IPO11: variants seen among roughly 807,000 people sequenced by gnomAD.
IPO11 encodes the protein importin 11.
IPO11 carries 66 observed loss-of-function variants against 143.2 expected under a neutral mutation model. The ratio of observed to expected loss-of-function variants is 0.46; its 90% CI spans 0.38 to 0.57. The LOEUF is 0.57. Ranked by LOEUF, IPO11 falls within the 20% of genes least tolerant of loss-of-function variation. The probability of loss-of-function intolerance (pLI) is 0.00; values close to 1 mark genes in which losing one functional copy is unlikely to be tolerated. For synonymous variants in IPO11, 385 were observed against 377.8 expected (o/e 1.02, Z -0.22); for missense variants, 1,026 against 1,141.0 (o/e 0.90, Z 1.45).
chr5:62,606,329 A>T (rs1483358641), intron 29 of IPO11, among the ~76,000 whole-genome samples: 1 of 150,988 alleles, frequency 6.6e-6, no homozygotes, highest in Non-Finnish European at 1.5e-5. Context: ...AAAAAAAAAA[A>T]TTTAGCTGGG....
In IPO11 at chr5:62,591,679, G is replaced by A. The variant is rs1256241944; in HGVS notation, c.2678+7G>A. On this transcript the variant is annotated splice_region_variant and intron_variant, in intron 28 of 29. Coordinates refer to ENST00000325324, the MANE Select transcript of IPO11 (RefSeq NM_016338.5). Reference sequence around the variant, plus strand: ...AAACAGGAACTTATAAAGAGTAGGTGCATTATTTAATTAATCATAATTGGA... The same window carrying A: ...AAACAGGAACTTATAAAGAGTAGGTACATTATTTAATTAATCATAATTGGA... 2 of 1,566,302 alleles carry A rather than the reference G, an allele frequency of 1.3e-6. No individual in the cohort carries two copies. The highest frequency in any genetic ancestry group is 1.8e-5 in the Admixed American group (1 of 54,232).
intron 1 of IPO11, chr5:62,413,377 C>T (rs754591043): frequency 2.6e-5 from 4 of 152,160 alleles, no homozygotes; most frequent in Non-Finnish European, 1.5e-5. Flanking sequence ...AAACATTAGA[C>T]CCTTACATGC....
chr5:62,623,884 A>G (rs1746462380), intron 29 of IPO11, among the ~76,000 whole-genome samples: 1 of 151,796 alleles, frequency 6.6e-6, no homozygotes, highest in Non-Finnish European at 1.5e-5. Flanking sequence ...CAGCCTTCCA[A>G]AGTGCAGGGA....
At chr5:62,607,862 C>T (rs1452903180) in intron 29 of IPO11, among the ~76,000 whole-genome samples, 2 of 150,246 alleles carry the variant, frequency 1.3e-5, no homozygotes, top group African/African-American at 2.5e-5. Context: ...GGTGCTATCT[C>T]AGCTCACTGC....
intron 29 of IPO11, among the ~76,000 whole-genome samples, chr5:62,614,693 C>T (rs561989160): frequency 2.7e-5 from 4 of 150,592 alleles, no homozygotes; most frequent in Non-Finnish European, 2.9e-5. Flanking sequence ...CCTGCAACTC[C>T]GAAAACCCAA....
chr5:62,419,474 C>G (rs1194491970), intron 1 of IPO11, among the ~76,000 whole-genome samples: 1 of 152,154 alleles, frequency 6.6e-6, no homozygotes, highest in South Asian at 2.1e-4. Context: ...GACGCAAACA[C>G]ACACATTAAC....
intron 27 of IPO11, among the ~76,000 whole-genome samples, chr5:62,566,417 T>A (rs993197028): frequency 6.6e-6 from 1 of 152,144 alleles, no homozygotes; most frequent in Non-Finnish European, 1.5e-5. Flanking sequence ...GTTGGGTGCA[T>A]AAATGTTATT....
intron 24 of IPO11, 145 bp downstream of exon 24, chr5:62,537,434 A>G (rs1742772917): frequency 1.7e-6 from 1 of 577,516 alleles, no homozygotes; most frequent in African/African-American, 1.9e-5. Flanking sequence ...AGTTGGTTTA[A>G]TACCTGTGGA....
In IPO11 at chr5:62,492,879, G is replaced by T. The variant is rs542309951; in HGVS notation, c.1464-1119G>T. 2.0e-5 allele frequency among the ~76,000 whole-genome samples: 3 copies of T among 151,762 alleles called. No homozygotes were observed. In the South Asian group the frequency reaches 6.2e-4, roughly 31 times the overall value. Reference sequence around the variant, plus strand: ...ATGAGCAGTTTTTTCCTGTGTGCTTGATCATCTTTTAAAATTGCAATTTTT... The same window carrying T: ...ATGAGCAGTTTTTTCCTGTGTGCTTTATCATCTTTTAAAATTGCAATTTTT... On this transcript the variant is annotated intron_variant, in intron 15 of 29. Transcript: ENST00000325324.
At chr5:62,452,055 C>T in intron 5 of IPO11, 122 bp downstream of exon 5, 1 of 713,988 alleles carries the variant, frequency 1.4e-6, no homozygotes, top group Non-Finnish European at 2.4e-6. Flanking sequence ...TCAGGCCTGG[C>T]CAATATGGTG....
At position 62,586,766 on chromosome 5, in the gene IPO11, AAAATATATATATATATAT is replaced by A. The variant is rs1408442741; in HGVS notation, c.2583-4809_2583-4792del. Among the ~76,000 whole-genome samples the A allele has an allele frequency of 9.2e-5, 7 of 76,202 alleles. No individual in the cohort carries two copies. In the East Asian group the frequency reaches 1.5e-3, roughly 16 times the overall value. 50.0% of individuals were successfully genotyped at this position (76,202 alleles called of 152,430 possible). A position where few individuals can be genotyped will look rare whatever the true frequency, so the allele number is the denominator to read the frequency against. The stretch of plus-strand genomic sequence containing the variant: ...AACTCAGTCTCCAAAAAAAAAAAAA[AAAATATATATATATATAT>A]ATATATATATATATATATTCATGAT... On this transcript the variant is annotated intron_variant, in intron 27 of 29. Coordinates refer to ENST00000325324, the MANE Select transcript of IPO11 (RefSeq NM_016338.5).
Position 62,450,006 on chromosome 5 carries a change from G to A in IPO11, c.312+7G>A, listed in dbSNP as rs753386749. ...CAATGAACCAATAAACCAGGTTAGT[G>A]AGAAATGAATGCTAATTTTTCTTTT... On this transcript the variant is annotated splice_region_variant and intron_variant, in intron 4 of 29. Transcript: ENST00000325324. The A allele has an allele frequency of 7.6e-6, 12 of 1,573,556 alleles. No individual in the cohort carries two copies. Among genetic ancestry groups the A allele is most frequent in the African/African-American group, 1.4e-5 (1 of 73,348 alleles).
chr5:62,502,846 T>C (rs915678620), intron 16 of IPO11, among the ~76,000 whole-genome samples: 1 of 151,984 alleles, frequency 6.6e-6, no homozygotes. Flanking sequence ...TTTTTCCGAG[T>C]TGGAGTCTTG....
chr5:62,480,439 A>T (rs552801420), intron 9 of IPO11, among the ~76,000 whole-genome samples: 18 of 152,110 alleles, frequency 1.2e-4, no homozygotes, highest in Non-Finnish European at 1.9e-4. Context: ...TTTGGTTCCA[A>T]ATGAACTTTA....
intron 6 of IPO11, among the ~76,000 whole-genome samples, chr5:62,468,834 A>G (rs950320434): frequency 6.6e-6 from 1 of 152,336 alleles, no homozygotes; most frequent in Non-Finnish European, 1.5e-5. Context: ...TTCTGTAACT[A>G]TACATTTCTG....
chr5:62,440,351 T>C (rs1383082802), intron 2 of IPO11, among the ~76,000 whole-genome samples: 31 of 136,734 alleles, frequency 2.3e-4, no homozygotes, highest in Non-Finnish European at 1.1e-4. Flanking sequence ...TACGTCCCCT[T>C]TTTTTTTTTT....
intron 27 of IPO11, among the ~76,000 whole-genome samples, chr5:62,563,654 T>C (rs1417870375): frequency 6.6e-6 from 1 of 152,170 alleles, no homozygotes; most frequent in Non-Finnish European, 1.5e-5. Flanking sequence ...AAATGTGAAA[T>C]TTATTTATAT....
intron 1 of IPO11, chr5:62,418,799 T>C (rs1471774856): frequency 1.1e-5 from 5 of 464,040 alleles, no homozygotes; most frequent in Non-Finnish European, 1.9e-5. Flanking sequence ...TCCAAGTCTC[T>C]GTTAATATAG....
chr5:62,497,799 A>G (rs1247525832), intron 16 of IPO11, among the ~76,000 whole-genome samples: 1 of 152,056 alleles, frequency 6.6e-6, no homozygotes, highest in African/African-American at 2.4e-5. Flanking sequence ...TTGGTTTTTT[A>G]TTCTGCCTCG....
Sources: allele counts gnomAD v4.1 joint callset (sites outside exome capture counted in the v4.1 genomes callset), GRCh38; gene constraint gnomAD v4.1.1; transcripts MANE v1.5; gene names NCBI Gene and HGNC (gene_info 2026-07-23, HGNC 2026-07-21).